KNTC1: variants seen among roughly 807,000 people sequenced by gnomAD.
The protein encoded by KNTC1 is kinetochore associated 1, also known as kinetochore-associated protein 1.
In KNTC1, 253 loss-of-function variants were observed where a neutral mutation model predicts 314.4. That is an observed-to-expected ratio of 0.80 (90% CI 0.73 to 0.89). The LOEUF (loss-of-function observed/expected upper bound fraction) is 0.89. Among genes scored for constraint, KNTC1 ranks in the 40% least tolerant of loss-of-function variants. The pLI, the probability that KNTC1 is intolerant of heterozygous loss-of-function variation, is 0.00. For synonymous variants in KNTC1, 901 were observed against 901.4 expected (o/e 1.00, Z 0.01); for missense variants, 2,475 against 2,572.9 (o/e 0.96, Z 0.82).
chr12:122,585,029 A>G (rs748092354), intron 36 of KNTC1, 39 bp downstream of exon 36: 2 of 1,179,190 alleles, frequency 1.7e-6, no homozygotes, highest in Admixed American at 2.0e-5. Flanking sequence ...AATCCTGGGC[A>G]ACGCATTATG....
intron 39 of KNTC1, among the ~76,000 whole-genome samples, chr12:122,588,426 G>C (rs1869679500): frequency 6.6e-6 from 1 of 152,050 alleles, no homozygotes; most frequent in African/African-American, 2.4e-5. Context: ...CTTTTTTAAT[G>C]AACTGTATTG....
At chr12:122,546,313 T>G in intron 9 of KNTC1, 44 bp downstream of exon 9, 1 of 1,186,506 alleles carries the variant, frequency 8.4e-7, no homozygotes, top group Non-Finnish European at 1.2e-6. Context: ...TATTAGTGAG[T>G]TTTAATTTTT....
rs767232160 is a variant in KNTC1 at position 122,534,701 on chromosome 12, G to A, written c.167G>A (p.Ser56Asn). The A allele has an allele frequency of 3.1e-6, 5 of 1,610,826 alleles. No homozygotes were observed. The Admixed American group carries it at 8.4e-5, about 27-fold the overall frequency. The part of the protein sequence containing the change: ...LNPKIQACSL[S>N]DGFIIVADQS... ...CCAAAGATACAGGCATGCAGCTTAA[G>A]TGATGGGTTTATTATTGTAGCCGAC... Residue 56 changes from serine to asparagine, a missense_variant, in exon 3 of 64, where the codon AGT becomes AAT. Physicochemically the swap from Ser to Asn is conservative, Grantham distance 46. Transcript: ENST00000333479.
At chr12:122,574,454 A>G (rs1964892636) in intron 27 of KNTC1, 74 bp downstream of exon 27, 1 of 876,340 alleles carries the variant, frequency 1.1e-6, no homozygotes, top group Non-Finnish European at 1.8e-6. Context: ...TCTGTTCATA[A>G]AAGCGACATA....
rs956326290 is a variant in KNTC1, at chr12:122,613,101, TG to T, written c.5623-9del. On this transcript the variant is annotated splice_polypyrimidine_tract_variant and intron_variant, in intron 53 of 63. Coordinates refer to ENST00000333479, the MANE Select transcript of KNTC1 (RefSeq NM_014708.6). ...GGTGTTCAACTCTCCAAACCTCTTT[TG>T]GTTTTTCAGACATTAGGTATGCATC... 1.3e-6 allele frequency: 2 copies of T among 1,520,562 alleles called. No individual in the cohort carries two copies. Among genetic ancestry groups the T allele is most frequent in the African/African-American group, 2.7e-5 (2 of 72,742 alleles). The allele number at this position is 1,520,562 out of a possible 1,614,324, so 94.2% of individuals were successfully genotyped here.
At chr12:122,572,518 T>A (rs989715727) in intron 24 of KNTC1, among the ~76,000 whole-genome samples, 2 of 152,180 alleles carry the variant, frequency 1.3e-5, no homozygotes, top group African/African-American at 4.8e-5. Context: ...TGTAAAACAT[T>A]ATTTTTATCT....
At chr12:122,532,519 T>A (rs1221934968) in intron 2 of KNTC1, among the ~76,000 whole-genome samples, 6 of 152,156 alleles carry the variant, frequency 3.9e-5, no homozygotes, top group Admixed American at 2.6e-4. Context: ...TATTTTTTAA[T>A]ATTATCAGGA....
intron 54 of KNTC1, 40 bp downstream of exon 54, chr12:122,613,270 CAG>C (rs1283751065): frequency 9.0e-6 from 12 of 1,334,112 alleles, no homozygotes; most frequent in Non-Finnish European, 1.1e-5. Context: ...AAATAGGAAA[CAG>C]ATCATTTTTT....
At chr12:122,540,068 G>A (rs1962172270) in intron 5 of KNTC1, among the ~76,000 whole-genome samples, 1 of 152,010 alleles carries the variant, frequency 6.6e-6, no homozygotes, top group African/African-American at 2.4e-5. Flanking sequence ...ACAGGCGTGA[G>A]CCACTGCGCC....
At position 122,577,045 on chromosome 12, in the gene KNTC1, G is replaced by T; in HGVS notation, c.2721+16G>T. 6.7e-7 allele frequency: 1 copy of T among 1,484,754 alleles called. No individual in the cohort carries two copies. The highest frequency in any genetic ancestry group is 8.9e-7 in the Non-Finnish European group (1 of 1,119,380). 92.0% of individuals were successfully genotyped at this position (1,484,754 alleles called of 1,614,324 possible). Reference sequence around the variant, plus strand: ...TAGAGAACAGGTTTGTAAGTTTTATGTTGTCATTTCATATGGCTTCTTTGT... The same window carrying T: ...TAGAGAACAGGTTTGTAAGTTTTATTTTGTCATTTCATATGGCTTCTTTGT... On this transcript the variant is annotated intron_variant, in intron 30 of 63. Coordinates refer to ENST00000333479, the MANE Select transcript of KNTC1 (RefSeq NM_014708.6).
At chr12:122,539,821 GC>G in intron 5 of KNTC1, 67 bp downstream of exon 5, 2 of 1,080,114 alleles carry the variant, frequency 1.9e-6, no homozygotes, top group Non-Finnish European at 2.6e-6. Context: ...TCCCTTTGTC[GC>G]CCAGGCTGGA....
rs1872491546 is a variant in KNTC1 at position 122,605,471 on chromosome 12, C to T, written c.5496+56C>T. 3 of 806,698 alleles carry T rather than the reference C, an allele frequency of 3.7e-6. No homozygotes were observed. In the African/African-American group the frequency reaches 5.2e-5, roughly 14 times the overall value. 50.0% of individuals were successfully genotyped at this position (806,698 alleles called of 1,614,324 possible). On this transcript the variant is annotated intron_variant, in intron 51 of 63. Transcript: ENST00000333479. ...GTTGAGTATGCACTGATGGCTTCTT[C>T]TCAAAGGCTAAATATTTATCCCACA...
chr12:122,532,261 T>C (rs1415559600), intron 2 of KNTC1, among the ~76,000 whole-genome samples: 2 of 141,460 alleles, frequency 1.4e-5, no homozygotes, highest in African/African-American at 5.4e-5. Flanking sequence ...CAGGCTGGAG[T>C]GCAGTGGCGT....
intron 48 of KNTC1, 43 bp downstream of exon 48, chr12:122,603,286 A>AAG: frequency 7.9e-7 from 1 of 1,270,752 alleles, no homozygotes; most frequent in Non-Finnish European, 1.1e-6. Context: ...AAAAAAAAAA[A>AAG]AGTACTCTTT....
chr12:122,544,251 A>G lies in KNTC1; in HGVS notation c.651A>G (p.Glu217=). ...TTGTGGCTGGAGATTTAGCAAGTGA[A>G]GTTCCTGTGATAATTGGGGTAATTG... is the stretch of plus-strand genomic sequence containing the variant. ...LSLVAGDLAS[E]VPVIIGGTGN... is the part of the protein sequence containing the mutation. Residue 217 remains glutamate, a synonymous_variant, in exon 8 of 64, where the codon GAA becomes GAG. Transcript: ENST00000333479. The G allele has an allele frequency of 6.4e-7, 1 of 1,559,426 alleles. No homozygotes were observed. Among genetic ancestry groups the G allele is most frequent in the Non-Finnish European group, 8.7e-7 (1 of 1,147,862 alleles).
intron 20 of KNTC1, chr12:122,563,889 T>C: frequency 1.3e-5 from 17 of 1,278,688 alleles, no homozygotes; most frequent in Non-Finnish European, 1.7e-5. Context: ...AAAAAACAGC[T>C]GGTATTTGCA....
At chr12:122,610,717 CT>C in intron 52 of KNTC1, 104 bp from the exon 53 acceptor site, 1 of 711,470 alleles carries the variant, frequency 1.4e-6, no homozygotes, top group Non-Finnish European at 2.4e-6. Context: ...TCTGATCTGC[CT>C]TTGAGTTGTC....
chr12:122,561,834 A>AT (rs576063938), intron 18 of KNTC1, 87 bp from the exon 19 acceptor site: 10 of 1,101,482 alleles, frequency 9.1e-6, no homozygotes, highest in Non-Finnish European at 1.3e-5. Context: ...ATTTAAAAAA[A>AT]TTTTTTGTTA....
chr12:122,565,226 C>T (rs1593554496), intron 20 of KNTC1, among the ~76,000 whole-genome samples: 2 of 142,966 alleles, frequency 1.4e-5, no homozygotes, highest in Non-Finnish European at 3.0e-5. Context: ...CTTGGTCCCT[C>T]TTTCTCTTGA....
Sources: allele counts gnomAD v4.1 joint callset (sites outside exome capture counted in the v4.1 genomes callset), GRCh38; gene constraint gnomAD v4.1.1; transcripts MANE v1.5; gene names NCBI Gene and HGNC (gene_info 2026-07-23, HGNC 2026-07-21).